The following KIF13B variants were observed in gnomAD, a reference collection of about 807,000 sequenced individuals.
KIF13B encodes kinesin family member 13B, also known as kinesin-like protein KIF13B.
Under a neutral mutation model 222.0 loss-of-function variants are expected in KIF13B, and 127 were observed. The observed-to-expected ratio is 0.57, with a 90% CI of 0.50 to 0.66. The LOEUF is 0.66. Ranked by LOEUF, KIF13B falls within the 30% of genes least tolerant of loss-of-function variation. The pLI, the probability that KIF13B is intolerant of heterozygous loss-of-function variation, is 0.00. For missense variants in KIF13B, 2,173 were observed against 2,379.0 expected (o/e 0.91, Z 1.80); for synonymous variants, 976 against 919.0 (o/e 1.06, Z -1.12).
At chr8:29,164,331 C>A (rs1307575028) in intron 12 of KIF13B, among the ~76,000 whole-genome samples, 1 of 152,182 alleles carries the variant, frequency 6.6e-6, no homozygotes. Context: ...TTCTCTAATA[C>A]AAGGAACAGT....
chr8:29,125,424 G>A (rs780579982), intron 26 of KIF13B, among the ~76,000 whole-genome samples: 1 of 152,104 alleles, frequency 6.6e-6, no homozygotes. Context: ...ATGGAGAAAC[G>A]TGCGATGCAT....
intron 29 of KIF13B, among the ~76,000 whole-genome samples, chr8:29,119,696 C>G (rs1809765983): frequency 6.6e-6 from 1 of 152,176 alleles, no homozygotes; most frequent in Non-Finnish European, 1.5e-5. Context: ...AACAGAAGAA[C>G]AGGCCAGAAT....
chr8:29,108,750 C>G (rs1809217670), intron 34 of KIF13B, among the ~76,000 whole-genome samples: 1 of 152,224 alleles, frequency 6.6e-6, no homozygotes, highest in Non-Finnish European at 1.5e-5. Flanking sequence ...ACTCTCTCTT[C>G]TCTCTCAGAC....
intron 2 of KIF13B, among the ~76,000 whole-genome samples, chr8:29,222,120 G>A (rs1001063770): frequency 2.6e-5 from 4 of 152,080 alleles, no homozygotes; most frequent in Non-Finnish European, 4.4e-5. Context: ...GCTGAGGTAG[G>A]AAGGTCGCTT....
chr8:29,185,122 T>C (rs1377611350), intron 6 of KIF13B, among the ~76,000 whole-genome samples: 1 of 152,054 alleles, frequency 6.6e-6, no homozygotes, highest in African/African-American at 2.4e-5. Context: ...TGCATCCTAC[T>C]CTCCGACCAC....
chr8:29,228,472 A>AAAAAAAAAAATATAT, intron 2 of KIF13B, among the ~76,000 whole-genome samples: 29 of 117,056 alleles, frequency 2.5e-4, no homozygotes, highest in African/African-American at 7.2e-4. Flanking sequence ...ATCTTAAAAA[A>AAAAAAAAAAATATAT]ATATATATAT....
At chr8:29,232,409 A>C (rs1815324742) in intron 2 of KIF13B, among the ~76,000 whole-genome samples, 1 of 148,140 alleles carries the variant, frequency 6.8e-6, no homozygotes. Flanking sequence ...CCTGTCTCTA[A>C]AACAATAAAA....
intron 10 of KIF13B, 135 bp downstream of exon 10, chr8:29,175,933 A>T (rs188233961): frequency 4.6e-6 from 3 of 658,880 alleles, no homozygotes; most frequent in Non-Finnish European, 8.1e-6. Flanking sequence ...TGTCATTACC[A>T]TAAGAGCCTA....
rs991310878 is a variant in KIF13B at position 29,146,670 on chromosome 8, C to T, written c.2025-130G>A. On this transcript the variant is annotated intron_variant, in intron 17 of 39. Coordinates refer to ENST00000524189, the MANE Select transcript of KIF13B (RefSeq NM_015254.4). The stretch of plus-strand genomic sequence containing the variant: ...AGCTTTTTCCGTGGTCGTCTGCACG[C>T]AGGGACTGTGTTGCTGACACTGACC... 3 of 774,226 alleles carry T rather than the reference C, an allele frequency of 3.9e-6. No individual in the cohort carries two copies. The African/African-American group carries it at 5.2e-5, about 14-fold the overall frequency. 48.0% of individuals were successfully genotyped at this position (774,226 alleles called of 1,614,324 possible). A position where few individuals can be genotyped will look rare whatever the true frequency, so the allele number is the denominator to read the frequency against.
At chr8:29,238,992 C>T (rs1210634743) in intron 2 of KIF13B, among the ~76,000 whole-genome samples, 1 of 152,164 alleles carries the variant, frequency 6.6e-6, no homozygotes, top group South Asian at 2.1e-4. Context: ...GAGCAGTGAT[C>T]ACACCACTAT....
rs116499469 is a variant in KIF13B at position 29,224,980 on chromosome 8, G to A, written c.149+20366C>T. On this transcript the variant is annotated intron_variant, in intron 2 of 39. Coordinates refer to ENST00000524189, the MANE Select transcript of KIF13B (RefSeq NM_015254.4). ...GAAGTATTTTAAAGACACTGTAAGA[G>A]GATCTGGCAAACATGAGTACAGTGA... is the stretch of plus-strand genomic sequence containing the variant. 2.1e-3 allele frequency among the ~76,000 whole-genome samples: 318 copies of A among 152,334 alleles called. 2 individuals carry two copies. Among genetic ancestry groups the A allele is most frequent in the African/African-American group, 7.4e-3 (306 of 41,574 alleles).
chr8:29,261,835 C>A (rs973792351), intron 1 of KIF13B, among the ~76,000 whole-genome samples: 2 of 152,076 alleles, frequency 1.3e-5, no homozygotes, highest in East Asian at 1.9e-4. Flanking sequence ...CCAATTTCCC[C>A]GAGAAGGACA....
At chr8:29,085,803 T>C (rs1267008083) in intron 37 of KIF13B, among the ~76,000 whole-genome samples, 9 of 108,992 alleles carry the variant, frequency 8.3e-5, no homozygotes, top group Non-Finnish European at 1.7e-5. Flanking sequence ...TGTGCTGTGA[T>C]AGCACCATTG....
chr8:29,244,343 C>T (rs894823178), intron 2 of KIF13B, among the ~76,000 whole-genome samples: 2 of 152,198 alleles, frequency 1.3e-5, no homozygotes, highest in Non-Finnish European at 2.9e-5. Flanking sequence ...TTAAACTCAA[C>T]TCAAAAGAAT....
intron 37 of KIF13B, among the ~76,000 whole-genome samples, chr8:29,085,751 G>A (rs2133522309): frequency 8.3e-6 from 1 of 120,452 alleles, no homozygotes; most frequent in East Asian, 2.3e-4. Context: ...GAGCCAGGCT[G>A]GGATGGGAGG....
chr8:29,186,410 A>G lies in KIF13B; in HGVS notation c.379T>C (p.Cys127Arg). ...TGAGTTCGTTCAAAGAGTCCACTGC[A>G]AAGTCTTGGGATTAATCCAGGTTGG... is the stretch of plus-strand genomic sequence containing the variant. Reference protein sequence around the residue: ...ADQPGLIPRLCSGLFERTQKE... With the variant: ...ADQPGLIPRLRSGLFERTQKE... The change falls in exon 6 of 40, where the codon TGC (cysteine) becomes CGC (arginine). Residue 127 changes from cysteine (C) to arginine (R), a missense_variant. Cys to Arg is a radical substitution (Grantham distance 180). Around this residue, in one of 2 missense-constraint regions of KIF13B, gnomAD observed 1,480 missense variants for 1,722.8 expected, o/e 0.86. Coordinates refer to ENST00000524189, the MANE Select transcript of KIF13B (RefSeq NM_015254.4). 1 of 1,613,990 alleles carries G rather than the reference A, an allele frequency of 6.2e-7. No homozygotes were observed. The highest frequency in any genetic ancestry group is 8.5e-7 in the Non-Finnish European group (1 of 1,179,848).
chr8:29,216,617 T>TAA (rs55967717), intron 2 of KIF13B, among the ~76,000 whole-genome samples: 4 of 149,930 alleles, frequency 2.7e-5, no homozygotes, highest in African/African-American at 4.9e-5. Flanking sequence ...TTTTTTTAAT[T>TAA]AAAAAAAAAA....
chr8:29,197,552 G>GT lies in KIF13B; in HGVS notation c.150-1354dup, dbSNP rs138683286. Among the ~76,000 whole-genome samples, 361 of 151,014 alleles carry GT rather than the reference G, an allele frequency of 2.4e-3. 2 individuals are homozygous for GT. The highest frequency in any genetic ancestry group is 8.2e-3 in the African/African-American group (337 of 41,148). ...AATAAATACACACATACACATATAT[G>GT]TTTTTTTTTCCTGAACCATTTGAGG... On this transcript the variant is annotated intron_variant, in intron 2 of 39. Transcript: ENST00000524189.
chr8:29,193,050 A>G (rs1813258300), intron 3 of KIF13B, among the ~76,000 whole-genome samples: 1 of 152,064 alleles, frequency 6.6e-6, no homozygotes, highest in Non-Finnish European at 1.5e-5. Context: ...CTGGCTCAGC[A>G]CCTCTGGACA....
Sources: gnomAD v4.1 joint callset for allele counts (sites outside exome capture counted in the v4.1 genomes callset) on GRCh38, gnomAD v4.1.1 for gene constraint, gnomAD v4.1.1 regional missense constraint, MANE v1.5 for transcripts, NCBI Gene and HGNC (gene_info 2026-07-23, HGNC 2026-07-21) for gene names.